Variants in CECR2 observed in about 807,000 individuals in gnomAD.
CECR2 encodes CECR2 histone acetyl-lysine reader, also known as chromatin remodeling regulator CECR2.
CECR2 carries 30 observed loss-of-function variants against 154.5 expected under a neutral mutation model. The observed-to-expected ratio is 0.19, with a 90% confidence interval of 0.15 to 0.26. The LOEUF (loss-of-function observed/expected upper bound fraction) is 0.26. Among genes scored for constraint, CECR2 ranks in the 10% least tolerant of loss-of-function variants. CECR2 has a pLI of 1.00. For missense variants in CECR2, 1,743 were observed against 1,829.3 expected (o/e 0.95, Z 0.86); for synonymous variants, 725 against 683.7 (o/e 1.06, Z -0.94).
At chr22:17,510,128 G>C (rs1051774294) in intron 7 of CECR2, among the ~76,000 whole-genome samples, 7 of 152,306 alleles carry the variant, frequency 4.6e-5, no homozygotes, top group Non-Finnish European at 1.0e-4. Context: ...CGATGGGAAA[G>C]TGCGTAGGGA....
At chr22:17,524,062 A>G (rs2056206941) in intron 8 of CECR2, 56 bp from the exon 9 acceptor site, 1 of 1,346,470 alleles carries the variant, frequency 7.4e-7, no homozygotes, top group African/African-American at 1.5e-5. Flanking sequence ...CTGAGAGCAA[A>G]GAGCTTATCT....
chr22:17,538,527 T>A lies in CECR2; in HGVS notation c.1246T>A (p.Leu416Met). ...TTATTTTGTGATTTACAGCTTTGAG[T>A]TGGATGATGATTTCACTGCTATGTA... is the stretch of plus-strand genomic sequence containing the variant. The part of the protein sequence containing the change: ...EEKKTKDLFE[L>M]DDDFTAMYKV... Residue 416 changes from leucine (L) to methionine (M), a missense_variant, in exon 11 of 19, where the codon TTG becomes ATG. Leu to Met is a conservative substitution (Grantham distance 15). This residue lies in a region of CECR2 where 292 missense variants were observed against 301.2 expected (regional missense o/e 0.97). Coordinates refer to ENST00000262608, the MANE Select transcript of CECR2 (RefSeq NM_001290047.2). 1 of 1,613,806 alleles carries A rather than the reference T, an allele frequency of 6.2e-7. No homozygotes were observed. The highest frequency in any genetic ancestry group is 8.5e-7 in the Non-Finnish European group (1 of 1,179,724).
At chr22:17,541,994 G>A in intron 15 of CECR2, 27 bp downstream of exon 15, 2 of 1,602,720 alleles carry the variant, frequency 1.2e-6, no homozygotes, top group Non-Finnish European at 1.7e-6. Context: ...GGAGGTGCAG[G>A]TGCAGGGGGT....
intron 2 of CECR2, among the ~76,000 whole-genome samples, chr22:17,479,812 G>T (rs2055275708): frequency 1.4e-5 from 2 of 143,550 alleles, no homozygotes; most frequent in African/African-American, 5.4e-5. Context: ...GTTTCACCCA[G>T]GCTGGAGTGC....
chr22:17,497,349 C>G, intron 2 of CECR2, 54 bp from the exon 3 acceptor site: 1 of 1,516,538 alleles, frequency 6.6e-7, no homozygotes, highest in South Asian at 1.2e-5. Flanking sequence ...CTCCTTCTCC[C>G]AACCAACCTA....
chr22:17,476,290 T>C (rs767757840), intron 1 of CECR2, among the ~76,000 whole-genome samples: 1 of 151,656 alleles, frequency 6.6e-6, no homozygotes, highest in Non-Finnish European at 1.5e-5. Flanking sequence ...TTTGAGACAG[T>C]GTCTCACTCT....
chr22:17,378,531 C>A (rs1460507449), intron 1 of CECR2, among the ~76,000 whole-genome samples: 1 of 152,164 alleles, frequency 6.6e-6, no homozygotes, highest in Non-Finnish European at 1.5e-5. Flanking sequence ...CTCCTGACCC[C>A]CTCCTCGGCC....
chr22:17,524,541 C>T (rs567257564), intron 9 of CECR2, among the ~76,000 whole-genome samples: 3 of 135,572 alleles, frequency 2.2e-5, no homozygotes, highest in Admixed American at 7.7e-5. Context: ...TACAGGTGCC[C>T]ACCACCACGC....
intron 9 of CECR2, among the ~76,000 whole-genome samples, chr22:17,528,210 G>C (rs931322788): frequency 2.6e-5 from 4 of 152,180 alleles, no homozygotes; most frequent in African/African-American, 7.2e-5. Context: ...ATACACAAGG[G>C]AGTACTATTC....
At chr22:17,532,138 C>A (rs2056365092) in intron 9 of CECR2, among the ~76,000 whole-genome samples, 2 of 152,148 alleles carry the variant, frequency 1.3e-5, no homozygotes, top group Non-Finnish European at 2.9e-5. Context: ...CACAGCACTC[C>A]AGCCTGGGCA....
At chr22:17,491,714 A>G (rs1010462659) in intron 2 of CECR2, among the ~76,000 whole-genome samples, 24 of 152,176 alleles carry the variant, frequency 1.6e-4, no homozygotes, top group African/African-American at 5.3e-4. Context: ...CTTCATCTGT[A>G]CAGTATTTAG....
Position 17,497,709 on chromosome 22 carries a change from A to C in CECR2, c.405+123A>C. 4 of 863,228 alleles carry C rather than the reference A, an allele frequency of 4.6e-6. No individual in the cohort carries two copies. In the South Asian group the frequency reaches 6.3e-5, roughly 14 times the overall value. The allele number at this position is 863,228 out of a possible 1,614,324, so 53.5% of individuals were successfully genotyped here. ...GGCTTGTGGTACTAGTCTTGGTACT[A>C]TTCATTGCCAATAACACTGTATGGA... On this transcript the variant is annotated intron_variant, in intron 3 of 18. Coordinates refer to ENST00000262608, the MANE Select transcript of CECR2 (RefSeq NM_001290047.2).
intron 5 of CECR2, 102 bp downstream of exon 5, chr22:17,500,837 A>G (rs150966413): frequency 3.7e-6 from 3 of 805,342 alleles, no homozygotes; most frequent in Admixed American, 2.8e-5. Flanking sequence ...GAAGCACATT[A>G]TTATAGCAAC....
chr22:17,546,090 C>T (rs370948529), intron 16 of CECR2, among the ~76,000 whole-genome samples: 2 of 151,866 alleles, frequency 1.3e-5, no homozygotes, highest in East Asian at 3.9e-4. Context: ...GGGAAAAAAA[C>T]CTTTTAGTAT....
rs1217556155 is a variant in CECR2, at chr22:17,548,971, T to C, written c.3684T>C (p.Ser1228=). The change falls in exon 17 of 19, where the codon AGT becomes AGC. Residue 1228 remains serine, a synonymous_variant. Coordinates refer to ENST00000262608, the MANE Select transcript of CECR2 (RefSeq NM_001290047.2). ...GAAGCCCAAGCGGACCCCCAGCCAG[T>C]CAGCCTCCCCCACCAAGGTCCCTCT... ...PQGSPSGPPA[S]QPPPPRSLFS... 1.2e-6 allele frequency: 2 copies of C among 1,613,948 alleles called. No individual in the cohort carries two copies. Among genetic ancestry groups the C allele is most frequent in the Admixed American group, 1.7e-5 (1 of 60,006 alleles).
chr22:17,447,668 A>G (rs1456456168), intron 1 of CECR2, among the ~76,000 whole-genome samples: 1 of 147,462 alleles, frequency 6.8e-6, no homozygotes, highest in Admixed American at 6.7e-5. Context: ...AAAAAAAGAA[A>G]AGCCGGGGGT....
intron 1 of CECR2, among the ~76,000 whole-genome samples, chr22:17,412,660 G>A (rs1170766423): frequency 6.6e-6 from 1 of 152,142 alleles, no homozygotes; most frequent in African/African-American, 2.4e-5. Flanking sequence ...AGGAAAATTA[G>A]GACTTCGGAG....
intron 1 of CECR2, among the ~76,000 whole-genome samples, chr22:17,399,827 C>T (rs1250558195): frequency 6.6e-6 from 1 of 152,148 alleles, no homozygotes; most frequent in African/African-American, 2.4e-5. Flanking sequence ...CATCATTTCC[C>T]AACTTTCAGT....
chr22:17,421,337 C>T (rs553248982), intron 1 of CECR2, among the ~76,000 whole-genome samples: 5 of 151,438 alleles, frequency 3.3e-5, no homozygotes, highest in South Asian at 2.1e-4. Context: ...CAGGCAAGGC[C>T]GGGCGCGGTG....
Sources: gnomAD v4.1 joint callset for allele counts (sites outside exome capture counted in the v4.1 genomes callset) on GRCh38, gnomAD v4.1.1 for gene constraint, gnomAD v4.1.1 regional missense constraint, MANE v1.5 for transcripts, NCBI Gene and HGNC (gene_info 2026-07-23, HGNC 2026-07-21) for gene names.